Variants in PLGRKT observed in about 807,000 individuals in gnomAD.
PLGRKT encodes plasminogen receptor (KT).
A neutral mutation model predicts 18.5 loss-of-function variants in PLGRKT; 22 were observed. The observed-to-expected ratio is 1.19, with a 90% CI of 0.85 to 1.70. The LOEUF is 1.70. Ranked by LOEUF, PLGRKT falls within the 40% of genes most tolerant of loss-of-function variation. PLGRKT has a pLI of 0.00. For missense variants in PLGRKT, 235 were observed against 174.4 expected, an observed-to-expected ratio of 1.35 and a Z score of -1.96; for synonymous variants, 72 against 52.8, an observed-to-expected ratio of 1.36 and a Z score of -1.58.
chr9:5,421,557 G>C (rs1265854673), intron 3 of PLGRKT, among the ~76,000 whole-genome samples: 1 of 152,124 alleles, frequency 6.6e-6, no homozygotes, highest in Non-Finnish European at 1.5e-5. Context: ...TATAGAGCAG[G>C]GGCTCCTCAA....
intron 3 of PLGRKT, among the ~76,000 whole-genome samples, chr9:5,417,428 T>C (rs1441822312): frequency 2.0e-5 from 3 of 151,858 alleles, no homozygotes; most frequent in East Asian, 1.9e-4. Flanking sequence ...AGAAAACTTT[T>C]AGAAAAAAAA....
chr9:5,358,277 C>T lies in PLGRKT; in HGVS notation c.406G>A (p.Ala136Thr). 1 of 1,610,360 alleles carries T rather than the reference C, an allele frequency of 6.2e-7. No individual in the cohort carries two copies. The highest frequency in any genetic ancestry group is 1.1e-5 in the South Asian group (1 of 90,980). The change falls in exon 6 of 6, where the codon GCC (alanine) becomes ACC (threonine). Residue 136 changes from alanine (A) to threonine (T), a missense_variant. Coordinates refer to ENST00000223864, the MANE Select transcript of PLGRKT (RefSeq NM_018465.4). ...GMITFESIEK[A>T]RKEQSRFFID... is the part of the protein sequence containing the mutation. ...AAGAATCTACTCTGTTCCTTTCTGG[C>T]TTTTTCAATGCTTTCAAAAGTGATC...
intron 3 of PLGRKT, among the ~76,000 whole-genome samples, chr9:5,427,053 C>T (rs1031054615): frequency 9.2e-5 from 14 of 152,158 alleles, no homozygotes; most frequent in African/African-American, 3.4e-4. Flanking sequence ...GTTTGAGTTA[C>T]CCATGGTCAA....
chr9:5,399,710 C>G (rs1818119422), intron 3 of PLGRKT, among the ~76,000 whole-genome samples: 1 of 151,636 alleles, frequency 6.6e-6, no homozygotes, highest in African/African-American at 2.4e-5. Context: ...ATACGCAGGC[C>G]AGGCACGGTG....
intron 2 of PLGRKT, among the ~76,000 whole-genome samples, chr9:5,435,935 G>A (rs999146851): frequency 6.6e-6 from 1 of 152,208 alleles, no homozygotes; most frequent in Non-Finnish European, 1.5e-5. Context: ...CTTGTATTCT[G>A]ATCAAGGATA....
chr9:5,393,028 G>C (rs999862793), intron 3 of PLGRKT, among the ~76,000 whole-genome samples: 1 of 151,518 alleles, frequency 6.6e-6, no homozygotes, highest in Admixed American at 6.6e-5. Flanking sequence ...TTTTATTAGA[G>C]ACAGGATTTC....
chr9:5,395,722 T>C (rs539147926), intron 3 of PLGRKT, among the ~76,000 whole-genome samples: 9 of 151,846 alleles, frequency 5.9e-5, no homozygotes, highest in East Asian at 1.9e-4. Flanking sequence ...TCTCTTGAAA[T>C]AGGCAAAAAG....
intron 2 of PLGRKT, among the ~76,000 whole-genome samples, chr9:5,434,680 G>A (rs576589031): frequency 7.5e-4 from 111 of 148,746 alleles, no homozygotes; most frequent in South Asian, 6.1e-3. Flanking sequence ...CCGCCACCCC[G>A]TCTGGGAAGT....
At chr9:5,391,208 G>A (rs1023397125) in intron 3 of PLGRKT, among the ~76,000 whole-genome samples, 2 of 151,938 alleles carry the variant, frequency 1.3e-5, no homozygotes, top group East Asian at 3.8e-4. Context: ...TTTATATGAT[G>A]CGATATGGTT....
chr9:5,365,223 G>C (rs1039657691), intron 3 of PLGRKT, among the ~76,000 whole-genome samples: 2 of 152,140 alleles, frequency 1.3e-5, no homozygotes, highest in Non-Finnish European at 2.9e-5. Context: ...GTGCCAGAAA[G>C]TCAAGAGATA....
chr9:5,359,544 A>T (rs115860821), intron 5 of PLGRKT, among the ~76,000 whole-genome samples: 1 of 152,192 alleles, frequency 6.6e-6, no homozygotes, highest in East Asian at 1.9e-4. Context: ...TCCACGTGAG[A>T]GAGCCTTTCT....
In PLGRKT at chr9:5,361,994, C is replaced by T. The variant is rs1051491354; in HGVS notation, c.82-106G>A. 5 of 1,098,668 alleles carry T rather than the reference C, an allele frequency of 4.6e-6. No individual in the cohort carries two copies. In the African/African-American group the frequency reaches 6.4e-5, roughly 14 times the overall value. The allele number at this position is 1,098,668 out of a possible 1,614,324, so 68.1% of individuals were successfully genotyped here. On this transcript the variant is annotated intron_variant, in intron 3 of 5. Coordinates refer to ENST00000223864, the MANE Select transcript of PLGRKT (RefSeq NM_018465.4). ...GATTCATTCTTCAATTGCTTTAATT[C>T]ATGTTTTTTCAAAAAAATCTCAACA...
Position 5,418,570 on chromosome 9 carries a change from G to C in PLGRKT, c.81+13327C>G. The stretch of plus-strand genomic sequence containing the variant: ...CCTGCCTTGCAGAGGCTGCTGTCCA[G>C]CAGGGATGGTCACCACAGTGACGGA... On this transcript the variant is annotated intron_variant, in intron 3 of 5. Coordinates refer to ENST00000223864, the MANE Select transcript of PLGRKT (RefSeq NM_018465.4). This position sits in a 1 kb window ranked among gnomAD's most constrained non-coding sequence, Gnocchi z 4.2. 3.8e-6 allele frequency: 3 copies of C among 780,794 alleles called. No homozygotes were observed. The highest frequency in any genetic ancestry group is 2.7e-5 in the South Asian group (2 of 74,450). The allele number at this position is 780,794 out of a possible 1,614,324, so 48.4% of individuals were successfully genotyped here.
chr9:5,358,455 C>A (rs1413711008), intron 5 of PLGRKT, 95 bp from the exon 6 acceptor site: 3 of 995,148 alleles, frequency 3.0e-6, no homozygotes, highest in Admixed American at 2.0e-5. Context: ...GGCTCTAACA[C>A]CGTATGAGCC....
At position 5,418,317 on chromosome 9, in the gene PLGRKT, T is replaced by C. The variant is rs559133295; in HGVS notation, c.81+13580A>G. The stretch of plus-strand genomic sequence containing the variant: ...CTTCTCACTGGGATCTCATCACCAA[T>C]GTGCTCAACCCCTAAGTTGGCACCC... On this transcript the variant is annotated intron_variant, in intron 3 of 5. Transcript: ENST00000223864. This position sits in a 1 kb window ranked among gnomAD's most constrained non-coding sequence, Gnocchi z 4.2. 35 of 568,362 alleles carry C rather than the reference T, an allele frequency of 6.2e-5. No homozygotes were observed. The highest frequency in any genetic ancestry group is 1.1e-4 in the Non-Finnish European group (33 of 301,790). 35.2% of individuals were successfully genotyped at this position (568,362 alleles called of 1,614,324 possible). A position where few individuals can be genotyped will look rare whatever the true frequency, so the allele number is the denominator to read the frequency against.
At chr9:5,397,247 G>A (rs531898677) in intron 3 of PLGRKT, among the ~76,000 whole-genome samples, 50 of 151,980 alleles carry the variant, frequency 3.3e-4, no homozygotes, top group African/African-American at 1.2e-3. Flanking sequence ...GATCAAAGAA[G>A]TCAGTGTGCT....
At chr9:5,412,614 T>C (rs1323291427) in intron 3 of PLGRKT, among the ~76,000 whole-genome samples, 1 of 152,326 alleles carries the variant, frequency 6.6e-6, no homozygotes, top group East Asian at 1.9e-4. Flanking sequence ...TCAATCTCTA[T>C]TCTTTATAAA....
chr9:5,388,797 T>C (rs774986486), intron 3 of PLGRKT, among the ~76,000 whole-genome samples: 2 of 152,012 alleles, frequency 1.3e-5, no homozygotes, highest in African/African-American at 2.4e-5. Flanking sequence ...GTCTACAAAG[T>C]GGGAATAATA....
At chr9:5,382,561 A>G (rs1164087120) in intron 3 of PLGRKT, among the ~76,000 whole-genome samples, 1 of 152,226 alleles carries the variant, frequency 6.6e-6, no homozygotes, top group African/African-American at 2.4e-5. Context: ...AGAAAACAGG[A>G]AAGAGTCGAC....
Sources: allele counts gnomAD v4.1 joint callset (sites outside exome capture counted in the v4.1 genomes callset), GRCh38; gene constraint gnomAD v4.1.1; non-coding constraint Gnocchi (gnomAD v3.1); transcripts MANE v1.5; gene names NCBI Gene and HGNC (gene_info 2026-07-23, HGNC 2026-07-21).